CADPS2: variants seen among roughly 807,000 people sequenced by gnomAD.
CADPS2 encodes the protein calcium dependent secretion activator 2, also known as calcium-dependent secretion activator 2.
Under a neutral mutation model 172.5 loss-of-function variants are expected in CADPS2, and 93 were observed. The ratio of observed to expected loss-of-function variants is 0.54; its 90% CI spans 0.46 to 0.64. The LOEUF (loss-of-function observed/expected upper bound fraction) is 0.64. CADPS2 is among the 30% of genes least tolerant of loss of function. The pLI, the probability that CADPS2 is intolerant of heterozygous loss-of-function variation, is 0.00. For synonymous variants in CADPS2, 546 were observed against 555.2 expected (o/e 0.98, Z 0.23); for missense variants, 1,420 against 1,565.9 (o/e 0.91, Z 1.57).
chr7:122,761,681 C>CAA (rs201174338), intron 1 of CADPS2, among the ~76,000 whole-genome samples: 1 of 149,266 alleles, frequency 6.7e-6, no homozygotes, highest in Non-Finnish European at 1.5e-5. Flanking sequence ...ATTAAGCAAA[C>CAA]AAAAAAAAAG....
chr7:122,462,216 T>C (rs1184376270), intron 14 of CADPS2, among the ~76,000 whole-genome samples: 1 of 152,164 alleles, frequency 6.6e-6, no homozygotes, highest in Non-Finnish European at 1.5e-5. Flanking sequence ...AATTTAAGTA[T>C]GTAAGCCAGA....
chr7:122,324,948 T>C (rs1283143402), intron 29 of CADPS2, among the ~76,000 whole-genome samples: 4 of 152,160 alleles, frequency 2.6e-5, no homozygotes, highest in East Asian at 1.9e-4. Flanking sequence ...GTGATGTCTA[T>C]GTCAGTAGTT....
intron 6 of CADPS2, among the ~76,000 whole-genome samples, chr7:122,583,197 T>C (rs893657318): frequency 6.6e-6 from 1 of 152,032 alleles, no homozygotes; most frequent in African/African-American, 2.4e-5. Context: ...TTTATCACCA[T>C]AGCACATTTC....
At chr7:122,883,606 ATAGT>A in intron 1 of CADPS2, among the ~76,000 whole-genome samples, 1 of 152,206 alleles carries the variant, frequency 6.6e-6, no homozygotes, top group East Asian at 1.9e-4. Flanking sequence ...TCACATAAAC[ATAGT>A]TAAATTCCCA....
rs374828266 is a variant in CADPS2, at chr7:122,736,922, C to T, written c.453+33G>A. ...TAATAAAACTCCTTTTAAAATGCAT[C>T]GGAAAGCCAAAAACAAAGCTCTTCA... On this transcript the variant is annotated intron_variant, in intron 2 of 29. Transcript: ENST00000449022. The T allele has an allele frequency of 1.0e-4, 117 of 1,124,954 alleles. No individual in the cohort carries two copies. The African/African-American group carries it at 1.5e-3, about 14-fold the overall frequency. 69.7% of individuals were successfully genotyped at this position (1,124,954 alleles called of 1,614,324 possible).
intron 25 of CADPS2, among the ~76,000 whole-genome samples, chr7:122,362,340 C>G (rs944370092): frequency 1.3e-5 from 2 of 152,114 alleles, no homozygotes; most frequent in Non-Finnish European, 2.9e-5. Flanking sequence ...ATGTATATCC[C>G]AATTCCATCA....
chr7:122,789,791 T>C (rs1418810397), intron 1 of CADPS2, among the ~76,000 whole-genome samples: 3 of 152,154 alleles, frequency 2.0e-5, no homozygotes, highest in South Asian at 2.1e-4. Flanking sequence ...ACACACTGTT[T>C]AGAAAGGCAA....
intron 25 of CADPS2, among the ~76,000 whole-genome samples, chr7:122,363,932 T>C (rs1238276234): frequency 6.6e-6 from 1 of 152,166 alleles, no homozygotes; most frequent in African/African-American, 2.4e-5. Flanking sequence ...GGAGGTAGAA[T>C]AGAGCTGAGG....
intron 18 of CADPS2, 102 bp from the exon 19 acceptor site, chr7:122,414,178 G>A: frequency 1.4e-6 from 1 of 724,488 alleles, no homozygotes; most frequent in South Asian, 2.6e-5. Context: ...CTATATTTCA[G>A]TATATCGTAT....
intron 8 of CADPS2, among the ~76,000 whole-genome samples, chr7:122,536,434 T>C (rs2062280729): frequency 6.6e-6 from 1 of 152,102 alleles, no homozygotes. Flanking sequence ...AAATCTGTTT[T>C]GTATCAATTG....
At chr7:122,783,516 T>C (rs1211469143) in intron 1 of CADPS2, among the ~76,000 whole-genome samples, 2 of 152,130 alleles carry the variant, frequency 1.3e-5, no homozygotes, top group African/African-American at 2.4e-5. Flanking sequence ...TGCAGACCCT[T>C]GACCTGGTGA....
At chr7:122,819,122 A>G (rs1207926342) in intron 1 of CADPS2, among the ~76,000 whole-genome samples, 1 of 152,214 alleles carries the variant, frequency 6.6e-6, no homozygotes, top group Non-Finnish European at 1.5e-5. Flanking sequence ...CCAGCACACA[A>G]GAACTTCCAA....
chr7:122,437,322 C>A (rs1392887342), intron 17 of CADPS2, among the ~76,000 whole-genome samples: 1 of 151,948 alleles, frequency 6.6e-6, no homozygotes, highest in Non-Finnish European at 1.5e-5. Context: ...GTTAATCACT[C>A]AGGAGGTTGG....
At chr7:122,815,773 G>A (rs910086560) in intron 1 of CADPS2, among the ~76,000 whole-genome samples, 15 of 152,060 alleles carry the variant, frequency 9.9e-5, no homozygotes, top group Non-Finnish European at 1.9e-4. Flanking sequence ...CCATTTTACT[G>A]TCAGAAAGCA....
intron 8 of CADPS2, among the ~76,000 whole-genome samples, chr7:122,541,821 GTTTATATATTCA>G (rs2063078333): frequency 2.9e-5 from 2 of 69,654 alleles, no homozygotes; most frequent in Admixed American, 3.1e-4. Context: ...ATATTCATAT[GTTTATATATTCA>G]TATGTTTATA....
chr7:122,611,415 G>GATC (rs1212541999), intron 6 of CADPS2, among the ~76,000 whole-genome samples: 1 of 151,958 alleles, frequency 6.6e-6, no homozygotes, highest in Non-Finnish European at 1.5e-5. Context: ...CAAAAACTAT[G>GATC]ATCAAATGTG....
chr7:122,474,391 T>C lies in CADPS2; in HGVS notation c.1988A>G (p.Tyr663Cys), dbSNP rs374199999. Residue 663 changes from tyrosine to cysteine, a missense_variant, in exon 13 of 30, where the codon TAT becomes TGT. Tyr to Cys is a radical substitution (Grantham distance 194, BLOSUM62 -2). Coordinates refer to ENST00000449022, the MANE Select transcript of CADPS2 (RefSeq NM_017954.11). ...QTLDHRLNDS[Y>C]SCLGWFSPGQ... ...TAGACTTGTACTCACCAAGCAAGAA[T>C]AGGAATCATTCAGTCTGTGATCCAA... The C allele has an allele frequency of 8.9e-4, 1,442 of 1,613,380 alleles. 3 individuals carry two copies. The highest frequency in any genetic ancestry group is 1.2e-3 in the Non-Finnish European group (1,401 of 1,179,558).
intron 2 of CADPS2, among the ~76,000 whole-genome samples, chr7:122,670,256 C>T (rs981927077): frequency 1.3e-5 from 2 of 152,112 alleles, no homozygotes; most frequent in Non-Finnish European, 2.9e-5. Context: ...AAAATCGTCA[C>T]CATGGCCTCT....
intron 6 of CADPS2, among the ~76,000 whole-genome samples, chr7:122,584,518 T>C (rs2069349691): frequency 1.3e-5 from 2 of 152,012 alleles, no homozygotes; most frequent in African/African-American, 4.8e-5. Context: ...TTCAAACTCC[T>C]GTCACTTGAC....
Sources: gnomAD v4.1 joint callset for allele counts (sites outside exome capture counted in the v4.1 genomes callset) on GRCh38, gnomAD v4.1.1 for gene constraint, MANE v1.5 for transcripts, NCBI Gene and HGNC (gene_info 2026-07-23, HGNC 2026-07-21) for gene names.